The following TEF variants were observed in gnomAD, a reference collection of about 807,000 sequenced individuals.
The protein encoded by TEF is TEF transcription factor, PAR bZIP family member.
Under a neutral mutation model 20.8 loss-of-function variants are expected in TEF, and 3 were observed. The ratio of observed to expected loss-of-function variants is 0.14; its 90% CI spans 0.07 to 0.37. TEF has a LOEUF of 0.37. TEF is among the 10% of genes least tolerant of loss of function. TEF has a pLI of 1.00. For synonymous variants in TEF, 180 were observed against 171.1 expected (o/e 1.05, Z -0.41); for missense variants, 296 against 397.9 (o/e 0.74, Z 2.18).
At chr22:41,387,983 CTTTTTTTTTTTT>C (rs530707936) in intron 2 of TEF, among the ~76,000 whole-genome samples, 111 of 50,114 alleles carry the variant, frequency 2.2e-3, no homozygotes, top group Admixed American at 5.8e-3. Context: ...CAATGCTGCT[CTTTTTTTTTTTT>C]TTTTTTTTTT....
chr22:41,396,123 T>A lies in TEF; in HGVS notation c.*163T>A. On this transcript the variant is annotated 3_prime_UTR_variant, in exon 4 of 4. Transcript: ENST00000266304. ...GTCTCAGCTTCATTATACCATGGCC[T>A]GCGCACGTGGCGACGTCCCTGAGGG... The A allele has an allele frequency of 1.4e-6, 1 of 727,152 alleles. No homozygotes were observed. The highest frequency in any genetic ancestry group is 2.2e-6 in the Non-Finnish European group (1 of 452,978). The allele number at this position is 727,152 out of a possible 1,614,324, so 45.0% of individuals were successfully genotyped here. A position where few individuals can be genotyped will look rare whatever the true frequency, so the allele number is the denominator to read the frequency against.
At chr22:41,369,782 T>G (rs1361643378) in intron 1 of TEF, 3 of 423,520 alleles carry the variant, frequency 7.1e-6, no homozygotes, top group Non-Finnish European at 9.5e-6. Context: ...GGGTGTGAAT[T>G]GGAGAAAGAC....
intron 1 of TEF, among the ~76,000 whole-genome samples, chr22:41,385,354 CCTT>C (rs534047188): frequency 2.6e-5 from 4 of 152,068 alleles, no homozygotes; most frequent in East Asian, 3.9e-4. Context: ...GAGCGAAACT[CCTT>C]CTCATAAAAA....
chr22:41,393,628 G>T (rs1204409666), intron 2 of TEF, among the ~76,000 whole-genome samples: 1 of 151,518 alleles, frequency 6.6e-6, no homozygotes, highest in Non-Finnish European at 1.5e-5. Context: ...TTGGTGGCGG[G>T]CACCTGCGGT....
At position 41,396,653 on chromosome 22, in the gene TEF, C is replaced by T; in HGVS notation, c.*693C>T. The T allele has an allele frequency of 3.2e-6, 1 of 316,792 alleles. No homozygotes were observed. The allele number at this position is 316,792 out of a possible 1,614,324, so 19.6% of individuals were successfully genotyped here. Reference sequence around the variant, plus strand: ...GAGGCCATCGGCTGTCTCTGCATTTCATTGGCTGTGGAGGAGAGACTCCTA... The same window carrying T: ...GAGGCCATCGGCTGTCTCTGCATTTTATTGGCTGTGGAGGAGAGACTCCTA... On this transcript the variant is annotated 3_prime_UTR_variant, in exon 4 of 4. Transcript: ENST00000266304.
At position 41,386,440 on chromosome 22, in the gene TEF, C is replaced by CA. The variant is rs202199285; in HGVS notation, c.158-900dup. On this transcript the variant is annotated intron_variant, in intron 1 of 3. Coordinates refer to ENST00000266304, the MANE Select transcript of TEF (RefSeq NM_003216.4). Reference sequence around the variant, plus strand: ...TGGGCAACAGAGCGAAGCTCCATCTCAAAAAAAAAAATAAAACAGGCTGGG... The same window carrying CA: ...TGGGCAACAGAGCGAAGCTCCATCTCAAAAAAAAAAAATAAAACAGGCTGGG... Among the ~76,000 whole-genome samples, 1,467 of 140,478 alleles carry CA rather than the reference C, an allele frequency of 0.01. 110 individuals carry two copies. In the East Asian group the frequency reaches 0.19, roughly 18 times the overall value. 92.2% of individuals were successfully genotyped at this position (140,478 alleles called of 152,430 possible).
At position 41,382,118 on chromosome 22, in the gene TEF, C is replaced by G; in HGVS notation, c.74C>G (p.Ala25Gly). 8.1e-7 allele frequency: 1 copy of G among 1,233,984 alleles called. No homozygotes were observed. The highest frequency in any genetic ancestry group is 1.0e-6 in the Non-Finnish European group (1 of 988,952). 76.4% of individuals were successfully genotyped at this position (1,233,984 alleles called of 1,614,324 possible). ...QAGPGPGPGR[A>G]AGERGLSGSF... ...GGACCCGGTCCGGGGCCGGGGCGCG[C>G]AGCTGGGGAAAGGGGCCTGTCGGGG... Residue 25 changes from alanine (A) to glycine (G), a missense_variant, in exon 1 of 4, where the codon GCA becomes GGA. Ala to Gly is a moderately conservative substitution (Grantham distance 60). This residue lies in a region of TEF where 102 missense variants were observed against 80.1 expected (regional missense o/e 1.27). Coordinates refer to ENST00000266304, the MANE Select transcript of TEF (RefSeq NM_003216.4).
intron 2 of TEF, among the ~76,000 whole-genome samples, chr22:41,390,783 G>T (rs1439830508): frequency 6.6e-6 from 1 of 152,126 alleles, no homozygotes; most frequent in Non-Finnish European, 1.5e-5. Flanking sequence ...GTGAGCCACT[G>T]CGCTCAGCCC....
At chr22:41,369,858 C>T in intron 1 of TEF, 2 of 981,610 alleles carry the variant, frequency 2.0e-6, no homozygotes, top group Non-Finnish European at 2.4e-6. Context: ...CTTTGGTGGA[C>T]TTCCTGCTGC....
chr22:41,377,876 C>T (rs1279523230), upstream of TEF, among the ~76,000 whole-genome samples: 5 of 152,180 alleles, frequency 3.3e-5, no homozygotes, highest in Non-Finnish European at 7.3e-5. Flanking sequence ...GTTAGGGTAG[C>T]TGCTCCAGGC....
chr22:41,374,198 G>A (rs1421542913), intron 1 of TEF, among the ~76,000 whole-genome samples: 1 of 152,024 alleles, frequency 6.6e-6, no homozygotes, highest in African/African-American at 2.4e-5. Flanking sequence ...TTGAGCCCAG[G>A]AGTTTGAGAC....
At chr22:41,378,584 T>G (rs2036976637), upstream of TEF, among the ~76,000 whole-genome samples, 1 of 152,088 alleles carries the variant, frequency 6.6e-6, no homozygotes, top group South Asian at 2.1e-4. Flanking sequence ...GATCTTGTGA[T>G]CCTCCCGGCT....
intron 2 of TEF, among the ~76,000 whole-genome samples, chr22:41,393,170 G>C (rs1005571974): frequency 1.1e-4 from 16 of 151,590 alleles, no homozygotes; most frequent in African/African-American, 2.9e-4. Flanking sequence ...ATGAAACCCT[G>C]TCTCTAAAAA....
At chr22:41,379,682 T>A (rs1448360221), upstream of TEF, among the ~76,000 whole-genome samples, 1 of 151,958 alleles carries the variant, frequency 6.6e-6, no homozygotes, top group Non-Finnish European at 1.5e-5. Flanking sequence ...CTGACCAACA[T>A]GGAGAAACCC....
chr22:41,381,426 T>G (rs559523821), upstream of TEF, among the ~76,000 whole-genome samples: 1,037 of 151,418 alleles, frequency 6.8e-3, 10 homozygotes, highest in African/African-American at 0.024. Context: ...GCGACCAGAC[T>G]CGGCTGCGGC....
At chr22:41,390,168 G>A (rs1229824933) in intron 2 of TEF, among the ~76,000 whole-genome samples, 1 of 152,118 alleles carries the variant, frequency 6.6e-6, no homozygotes, top group African/African-American at 2.4e-5. Flanking sequence ...GGGATTACAA[G>A]TGTGAGCCAC....
chr22:41,374,773 T>C (rs901296870), intron 1 of TEF, among the ~76,000 whole-genome samples: 1 of 151,396 alleles, frequency 6.6e-6, no homozygotes, highest in African/African-American at 2.4e-5. Context: ...AAGTGGATCA[T>C]TGTAAAGGTC....
upstream of TEF, among the ~76,000 whole-genome samples, chr22:41,379,988 A>G (rs930072349): frequency 2.0e-5 from 3 of 152,052 alleles, no homozygotes; most frequent in African/African-American, 7.2e-5. Context: ...TCAGATTCAG[A>G]AAATGACTGA....
chr22:41,389,697 A>G (rs982307172), intron 2 of TEF, among the ~76,000 whole-genome samples: 2 of 151,136 alleles, frequency 1.3e-5, no homozygotes, highest in African/African-American at 4.9e-5. Context: ...TTTCAAATTC[A>G]TGGCCTCAAA....
Sources: gnomAD v4.1 joint callset for allele counts (sites outside exome capture counted in the v4.1 genomes callset) on GRCh38, gnomAD v4.1.1 for gene constraint, gnomAD v4.1.1 regional missense constraint, MANE v1.5 for transcripts, NCBI Gene and HGNC (gene_info 2026-07-23, HGNC 2026-07-21) for gene names.